The following LONRF1 variants were observed in gnomAD, a reference collection of about 807,000 sequenced individuals.
The protein encoded by LONRF1 is LON peptidase N-terminal domain and RING finger protein 1.
A neutral mutation model predicts 85.8 loss-of-function variants in LONRF1; 37 were observed. That is an observed-to-expected ratio of 0.43 (90% CI 0.33 to 0.57). The LOEUF is 0.57. Ranked by LOEUF, LONRF1 falls within the 20% of genes least tolerant of loss-of-function variation. The probability of loss-of-function intolerance (pLI) is 0.04; values close to 1 mark genes in which losing one functional copy is unlikely to be tolerated. For missense variants in LONRF1, 1,036 were observed against 978.0 expected (o/e 1.06, Z -0.79); for synonymous variants, 517 against 390.1 (o/e 1.33, Z -3.83).
intron 4 of LONRF1, chr8:12,737,465 A>C (rs1456435867): frequency 2.3e-6 from 1 of 441,490 alleles, no homozygotes; most frequent in Non-Finnish European, 4.3e-6. Flanking sequence ...CATAGTATTT[A>C]CATTGTATTA....
intron 5 of LONRF1, 23 bp downstream of exon 5, chr8:12,736,876 AT>A (rs1257735381): frequency 6.3e-7 from 1 of 1,583,686 alleles, no homozygotes; most frequent in Non-Finnish European, 8.6e-7. Context: ...TTTATTTTAT[AT>A]AAGTGTAGAG....
At chr8:12,725,968 G>A in intron 10 of LONRF1, 89 bp from the exon 11 acceptor site, 4 of 1,214,978 alleles carry the variant, frequency 3.3e-6, no homozygotes, top group Non-Finnish European at 4.7e-6. Context: ...AAAGGGATCA[G>A]AAGAACAGGG....
At chr8:12,754,168 C>T (rs1345756698) in intron 1 of LONRF1, 1 of 152,242 alleles carries the variant, frequency 6.6e-6, no homozygotes, top group Admixed American at 6.5e-5. Flanking sequence ...ATTCTGCCCT[C>T]CCGCGGTTCC....
intron 1 of LONRF1, among the ~76,000 whole-genome samples, chr8:12,746,055 T>C (rs187856662): frequency 6.6e-5 from 10 of 152,312 alleles, no homozygotes; most frequent in Admixed American, 5.9e-4. Context: ...TTGACACCAC[T>C]AACTTCCCAA....
At position 12,755,097 on chromosome 8, in the gene LONRF1, G is replaced by C. The variant is rs1311143752; in HGVS notation, c.324C>G (p.Ala108=). ...RLRHGLGWSA[A]PVAGADGGAG... ...CGCCGCCGTCAGCGCCTGCAACCGG[G>C]GCCGCGCTCCAGCCCAGCCCGTGGC... The change falls in exon 1 of 12, where the codon GCC becomes GCG. Residue 108 remains alanine (A), a synonymous_variant. Transcript: ENST00000398246. 1.4e-6 allele frequency: 2 copies of C among 1,470,896 alleles called. No individual in the cohort carries two copies. The highest frequency in any genetic ancestry group is 2.3e-5 in the Admixed American group (1 of 42,966). 91.1% of individuals were successfully genotyped at this position (1,470,896 alleles called of 1,614,324 possible).
At chr8:12,744,646 C>T (rs1799072791) in intron 1 of LONRF1, among the ~76,000 whole-genome samples, 1 of 152,086 alleles carries the variant, frequency 6.6e-6, no homozygotes, top group African/African-American at 2.4e-5. Flanking sequence ...ACTGACTTGT[C>T]AAGTACAACT....
chr8:12,725,689 A>G (rs913701859), intron 11 of LONRF1, 38 bp downstream of exon 11: 2 of 1,585,624 alleles, frequency 1.3e-6, no homozygotes, highest in Non-Finnish European at 1.7e-6. Flanking sequence ...TGGGTTTATA[A>G]AAAAGTGACT....
chr8:12,741,118 T>C, intron 2 of LONRF1, 122 bp from the exon 3 acceptor site: 1 of 1,008,248 alleles, frequency 9.9e-7, no homozygotes. Context: ...GTGCAGTAGC[T>C]CACGCCTGTA....
chr8:12,724,873 G>T (rs988153748), intron 11 of LONRF1, among the ~76,000 whole-genome samples: 1 of 152,176 alleles, frequency 6.6e-6, no homozygotes, highest in African/African-American at 2.4e-5. Context: ...TTCAGGTGAA[G>T]GATTCAATTG....
At position 12,754,860 on chromosome 8, in the gene LONRF1, G is replaced by A. The variant is rs1799568882; in HGVS notation, c.561C>T (p.Ala187=). The change falls in exon 1 of 12, where the codon GCC becomes GCT. Residue 187 remains alanine (A), a synonymous_variant. Coordinates refer to ENST00000398246, the MANE Select transcript of LONRF1 (RefSeq NM_152271.5). ...CGACGCTGGTTCTGAAGTCTGAAGC[G>A]GCGATGGCGGCGGCCAGAGGCGGCG... The part of the protein sequence containing the change: ...PRPPPLAAAI[A]ASDFRTSVVL... 1.3e-6 allele frequency: 2 copies of A among 1,492,892 alleles called. No individual in the cohort carries two copies. Among genetic ancestry groups the A allele is most frequent in the Non-Finnish European group, 1.8e-6 (2 of 1,126,022 alleles). The allele number at this position is 1,492,892 out of a possible 1,614,324, so 92.5% of individuals were successfully genotyped here. A position where few individuals can be genotyped will look rare whatever the true frequency, so the allele number is the denominator to read the frequency against.
intron 1 of LONRF1, among the ~76,000 whole-genome samples, chr8:12,751,447 G>A (rs926214423): frequency 6.6e-6 from 1 of 150,658 alleles, no homozygotes; most frequent in Non-Finnish European, 1.5e-5. Flanking sequence ...GGAACTACAG[G>A]CATGCACCAC....
chr8:12,755,208 G>C lies in LONRF1; in HGVS notation c.213C>G (p.Phe71Leu). Residue 71 changes from phenylalanine to leucine, a missense_variant, in exon 1 of 12, where the codon TTC becomes TTG. Transcript: ENST00000398246. ...GGHLKGALEAFAAALRRGAPA... is the reference protein window; with the variant it reads ...GGHLKGALEALAAALRRGAPA... ...GGGCCCCGCGGCGCAGCGCCGCCGC[G>C]AACGCCTCCAGCGCGCCCTTCAGGT... The C allele has an allele frequency of 1.6e-6, 2 of 1,276,880 alleles. No individual in the cohort carries two copies. Among genetic ancestry groups the C allele is most frequent in the Non-Finnish European group, 9.8e-7 (1 of 1,018,002 alleles). 79.1% of individuals were successfully genotyped at this position (1,276,880 alleles called of 1,614,324 possible).
rs889343228 is a variant in LONRF1, at chr8:12,754,902, T to C, written c.519A>G (p.Glu173=). 4 of 1,492,692 alleles carry C rather than the reference T, an allele frequency of 2.7e-6. No homozygotes were observed. The South Asian group carries it at 5.0e-5, about 19-fold the overall frequency. 92.5% of individuals were successfully genotyped at this position (1,492,692 alleles called of 1,614,324 possible). ...GAGGCGGCGGCCGCGGGGCGGTCCCTTCAGCATCAGTGGCACTGGCGGTGG... is the reference window on the plus strand; with the variant it reads ...GAGGCGGCGGCCGCGGGGCGGTCCCCTCAGCATCAGTGGCACTGGCGGTGG... ...PPATASATDA[E]GTAPRPPPLA... Residue 173 remains glutamate, a synonymous_variant, in exon 1 of 12, where the codon GAA becomes GAG. Transcript: ENST00000398246.
Position 12,743,234 on chromosome 8 carries a change from C to T in LONRF1, c.770G>A (p.Gly257Asp). Reference protein sequence around the residue: ...VKIYRAESYAGLQEFKAAIED... With the variant: ...VKIYRAESYADLQEFKAAIED... ...TATGGCTGCTTTAAACTCTTGGAGACCAGCATATGATTCCGCTCTGTAAAT... is the reference window on the plus strand; with the variant it reads ...TATGGCTGCTTTAAACTCTTGGAGATCAGCATATGATTCCGCTCTGTAAAT... Residue 257 changes from glycine to aspartate, a missense_variant, in exon 2 of 12, where the codon GGT (glycine) becomes GAT (aspartate). This residue lies in a region of LONRF1 where 742 missense variants were observed against 614.4 expected (regional missense o/e 1.21). Transcript: ENST00000398246. The T allele has an allele frequency of 6.2e-7, 1 of 1,613,058 alleles. No individual in the cohort carries two copies.
At chr8:12,729,798 C>T (rs1267770062) in intron 8 of LONRF1, among the ~76,000 whole-genome samples, 1 of 152,138 alleles carries the variant, frequency 6.6e-6, no homozygotes, top group East Asian at 1.9e-4. Context: ...TATTTTCAAA[C>T]GCAAGGATAA....
chr8:12,747,487 G>T (rs771107589), intron 1 of LONRF1, among the ~76,000 whole-genome samples: 4 of 152,146 alleles, frequency 2.6e-5, no homozygotes, highest in Non-Finnish European at 4.4e-5. Context: ...GCCAGTGTTG[G>T]TGTTAACAAA....
chr8:12,733,302 T>A (rs556303461), intron 7 of LONRF1, among the ~76,000 whole-genome samples: 1 of 132,450 alleles, frequency 7.6e-6, no homozygotes, highest in Admixed American at 8.5e-5. Context: ...CAGCCACTCT[T>A]ACATTACTGA....
rs188597049 is a variant in LONRF1, at chr8:12,738,118, T to A, written c.990A>T (p.Glu330Asp). ...ATTCCTTCAGGCCTTCTTTTAAGTT[T>A]TCAGGTAATAATAAATCACATAAAA... ...QKILCDLLLP[E>D]NLKEGLKESS... The change falls in exon 4 of 12, where the codon GAA becomes GAT. Residue 330 changes from glutamate (E) to aspartate (D), a missense_variant. Coordinates refer to ENST00000398246, the MANE Select transcript of LONRF1 (RefSeq NM_152271.5). 1.7e-3 allele frequency: 2,737 copies of A among 1,586,676 alleles called. 3 individuals are homozygous for A. Among genetic ancestry groups the A allele is most frequent in the Non-Finnish European group, 2.1e-3 (2,438 of 1,161,874 alleles).
rs1172437532 is a variant in LONRF1 at position 12,729,269 on chromosome 8, G to A, written c.1752C>T (p.Leu584=). The A allele has an allele frequency of 1.9e-6, 3 of 1,613,974 alleles. No individual in the cohort carries two copies. The highest frequency in any genetic ancestry group is 2.5e-6 in the Non-Finnish European group (3 of 1,179,896). Residue 584 remains leucine (L), a synonymous_variant, in exon 9 of 12, where the codon CTC becomes CTT. Coordinates refer to ENST00000398246, the MANE Select transcript of LONRF1 (RefSeq NM_152271.5). The part of the protein sequence containing the change: ...TMAYPTVPCP[L]HVFEPRYRLM... ...ATCTGTATCTTGGCTCAAATACATG[G>A]AGAGGGCAAGGCACAGTGGGGTAGG...
Sources: gnomAD v4.1 joint callset for allele counts (sites outside exome capture counted in the v4.1 genomes callset) on GRCh38, gnomAD v4.1.1 for gene constraint, gnomAD v4.1.1 regional missense constraint, MANE v1.5 for transcripts, NCBI Gene and HGNC (gene_info 2026-07-23, HGNC 2026-07-21) for gene names.